The following DNAL1 variants were observed in gnomAD, a reference collection of about 807,000 sequenced individuals.
DNAL1 encodes the protein chromosome 14 open reading frame 168.
Under a neutral mutation model 29.4 loss-of-function variants are expected in DNAL1, and 17 were observed. The ratio of observed to expected loss-of-function variants is 0.58; its 90% confidence interval spans 0.40 to 0.87. The LOEUF (loss-of-function observed/expected upper bound fraction) is 0.87, where lower values mean the gene tolerates loss of function less well. Ranked by LOEUF, DNAL1 falls within the 40% of genes least tolerant of loss-of-function variation. DNAL1 has a pLI of 0.00. For synonymous variants in DNAL1, 78 were observed against 76.3 expected, an observed-to-expected ratio of 1.02 and a Z score of -0.12; for missense variants, 188 against 214.1, an observed-to-expected ratio of 0.88 and a Z score of 0.76.
At chr14:73,663,362 C>T (rs905404515) in intron 4 of DNAL1, among the ~76,000 whole-genome samples, 4 of 151,830 alleles carry the variant, frequency 2.6e-5, no homozygotes, top group Non-Finnish European at 4.4e-5. Context: ...CCCACCGCCA[C>T]GCCTGGCTAA....
At chr14:73,650,651 T>A (rs1286936556) in intron 1 of DNAL1, among the ~76,000 whole-genome samples, 3 of 152,182 alleles carry the variant, frequency 2.0e-5, no homozygotes, top group Non-Finnish European at 2.9e-5. Flanking sequence ...TTTTTTATTT[T>A]ATTTTTGGAG....
intron 7 of DNAL1, among the ~76,000 whole-genome samples, chr14:73,694,769 A>C (rs1459985714): frequency 1.3e-5 from 2 of 150,708 alleles, no homozygotes; most frequent in Non-Finnish European, 2.9e-5. Flanking sequence ...GGTTCACTGC[A>C]ACCTCCGCCT....
At chr14:73,687,197 A>T (rs764697932) in intron 5 of DNAL1, 62 bp from the exon 6 acceptor site, 15 of 1,591,002 alleles carry the variant, frequency 9.4e-6, no homozygotes, top group African/African-American at 1.4e-5. Flanking sequence ...ATATCTTTAT[A>T]AAGAAGAAGA....
At chr14:73,666,738 C>T (rs1453562090) in intron 4 of DNAL1, among the ~76,000 whole-genome samples, 1 of 152,148 alleles carries the variant, frequency 6.6e-6, no homozygotes, top group Non-Finnish European at 1.5e-5. Context: ...TTTGTTATCT[C>T]CAATTGCTGA....
At chr14:73,667,704 G>A (rs1401245467) in intron 4 of DNAL1, among the ~76,000 whole-genome samples, 1 of 152,044 alleles carries the variant, frequency 6.6e-6, no homozygotes, top group African/African-American at 2.4e-5. Flanking sequence ...GTCTCCCCAT[G>A]TTGCCCAGGC....
intron 7 of DNAL1, among the ~76,000 whole-genome samples, chr14:73,694,563 C>A (rs143027508): frequency 2.0e-5 from 3 of 151,768 alleles, no homozygotes; most frequent in Admixed American, 1.3e-4. Context: ...TCAGTGTATC[C>A]CCAATGTTCA....
At chr14:73,675,983 C>T (rs1891722740) in intron 5 of DNAL1, among the ~76,000 whole-genome samples, 1 of 151,986 alleles carries the variant, frequency 6.6e-6, no homozygotes, top group African/African-American at 2.4e-5. Context: ...CATTGCACTC[C>T]AGCCTGGGCA....
At chr14:73,682,120 A>G (rs1345311026) in intron 5 of DNAL1, among the ~76,000 whole-genome samples, 5 of 151,548 alleles carry the variant, frequency 3.3e-5, no homozygotes, top group African/African-American at 1.2e-4. Context: ...CTCAAAAATA[A>G]TAATATTGTT....
chr14:73,674,250 C>G (rs1891678545), intron 5 of DNAL1, among the ~76,000 whole-genome samples: 1 of 152,160 alleles, frequency 6.6e-6, no homozygotes, highest in East Asian at 1.9e-4. Context: ...TCATTCCCAC[C>G]TGAGAATCTT....
intron 1 of DNAL1, among the ~76,000 whole-genome samples, chr14:73,647,084 C>T (rs529629631): frequency 9.5e-4 from 144 of 152,080 alleles, no homozygotes; most frequent in Middle Eastern, 6.8e-3. Context: ...TGGGGCAGGG[C>T]ACGGTGGCTC....
At chr14:73,649,339 G>C (rs2140022309) in intron 1 of DNAL1, among the ~76,000 whole-genome samples, 1 of 150,552 alleles carries the variant, frequency 6.6e-6, no homozygotes, top group South Asian at 2.1e-4. Context: ...CTGGAGTGCA[G>C]TGGCGCGATC....
At chr14:73,679,756 T>C (rs1314399322) in intron 5 of DNAL1, among the ~76,000 whole-genome samples, 1 of 151,716 alleles carries the variant, frequency 6.6e-6, no homozygotes, top group Non-Finnish European at 1.5e-5. Context: ...GTATTTTACA[T>C]AGAAGGTCTT....
chr14:73,689,636 T>C, intron 7 of DNAL1, 121 bp downstream of exon 7: 1 of 1,434,382 alleles, frequency 7.0e-7, no homozygotes, highest in Non-Finnish European at 9.6e-7. Context: ...AGGTCATTTC[T>C]ATCTATGTAA....
intron 4 of DNAL1, among the ~76,000 whole-genome samples, chr14:73,668,468 A>C (rs569156244): frequency 6.6e-6 from 1 of 152,330 alleles, no homozygotes; most frequent in East Asian, 1.9e-4. Flanking sequence ...GATTTTCTTA[A>C]ATATTTAATT....
chr14:73,667,754 G>A (rs1056119898), intron 4 of DNAL1, among the ~76,000 whole-genome samples: 26 of 152,058 alleles, frequency 1.7e-4, no homozygotes, highest in Non-Finnish European at 3.2e-4. Context: ...TGCCTGCCTT[G>A]GCCTCCCAAA....
chr14:73,667,052 G>A (rs975992720), intron 4 of DNAL1, among the ~76,000 whole-genome samples: 1 of 151,212 alleles, frequency 6.6e-6, no homozygotes, highest in African/African-American at 2.4e-5. Flanking sequence ...TAGATCTCTA[G>A]CCCAACTGTG....
At chr14:73,664,921 C>A (rs1474013783) in intron 4 of DNAL1, among the ~76,000 whole-genome samples, 4 of 151,908 alleles carry the variant, frequency 2.6e-5, no homozygotes, top group African/African-American at 9.7e-5. Flanking sequence ...TCCTTGAAGA[C>A]TTCCCTCATC....
At chr14:73,654,398 A>G (rs1891165501) in intron 1 of DNAL1, among the ~76,000 whole-genome samples, 2 of 152,214 alleles carry the variant, frequency 1.3e-5, no homozygotes, top group South Asian at 4.1e-4. Flanking sequence ...GAAAGAAATC[A>G]TTTTAATGGT....
At position 73,671,913 on chromosome 14, in the gene DNAL1, G is replaced by A. The variant is rs551282723; in HGVS notation, c.264+316G>A. Among the ~76,000 whole-genome samples, 24 of 152,238 alleles carry A rather than the reference G, an allele frequency of 1.6e-4. No homozygotes were observed. In the East Asian group the frequency reaches 4.6e-3, roughly 29 times the overall value. Reference sequence around the variant, plus strand: ...GAGATGGAACAATAACGTAAAACTAGGCAATTTCAGGAAAGATGAAGTGAA... The same window carrying A: ...GAGATGGAACAATAACGTAAAACTAAGCAATTTCAGGAAAGATGAAGTGAA... On this transcript the variant is annotated intron_variant, in intron 5 of 7. Coordinates refer to ENST00000553645, the MANE Select transcript of DNAL1 (RefSeq NM_031427.4).
Sources: allele counts gnomAD v4.1 joint callset (sites outside exome capture counted in the v4.1 genomes callset), GRCh38; gene constraint gnomAD v4.1.1; transcripts MANE v1.5; gene names NCBI Gene and HGNC (gene_info 2026-07-23, HGNC 2026-07-21).